Variants in DOCK1 observed in about 807,000 individuals in gnomAD.
DOCK1 encodes dedicator of cytokinesis 1.
DOCK1 carries 138 observed loss-of-function variants against 262.7 expected under a neutral mutation model. The ratio of observed to expected loss-of-function variants is 0.53; its 90% CI spans 0.46 to 0.61. DOCK1 has a LOEUF of 0.61. Ranked by LOEUF, DOCK1 falls within the 20% of genes least tolerant of loss-of-function variation. The pLI, the probability that DOCK1 is intolerant of heterozygous loss-of-function variation, is 0.00. For missense variants in DOCK1, 1,908 were observed against 2,370.7 expected (o/e 0.80, Z 4.05); for synonymous variants, 866 against 867.4 (o/e 1.00, Z 0.03).
chr10:126,980,530 T>A (rs1233210697), intron 3 of DOCK1, among the ~76,000 whole-genome samples: 1 of 152,126 alleles, frequency 6.6e-6, no homozygotes, highest in Non-Finnish European at 1.5e-5. Flanking sequence ...AGCCTCTGAC[T>A]CTCTGCCTGA....
At chr10:127,313,211 C>A (rs557822775) in intron 29 of DOCK1, among the ~76,000 whole-genome samples, 1 of 152,132 alleles carries the variant, frequency 6.6e-6, no homozygotes, top group African/African-American at 2.4e-5. Context: ...CATGAGGCAC[C>A]ATGGGCACCC....
intron 11 of DOCK1, among the ~76,000 whole-genome samples, chr10:127,010,149 A>G (rs953122986): frequency 3.9e-5 from 6 of 152,182 alleles, no homozygotes; most frequent in Non-Finnish European, 8.8e-5. Context: ...TATGGTAACC[A>G]TTAGCTCCAT....
intron 29 of DOCK1, among the ~76,000 whole-genome samples, chr10:127,336,715 A>G (rs764838073): frequency 2.0e-5 from 3 of 151,726 alleles, no homozygotes; most frequent in Non-Finnish European, 4.4e-5. Flanking sequence ...AATTTTTTGT[A>G]TTTTTAGTAG....
chr10:126,974,312 G>A (rs1044864806), intron 2 of DOCK1, among the ~76,000 whole-genome samples: 1 of 152,138 alleles, frequency 6.6e-6, no homozygotes, highest in African/African-American at 2.4e-5. Flanking sequence ...TGAGGAAATT[G>A]TCCTTTTGAT....
At chr10:126,982,289 C>A (rs1201811378) in intron 4 of DOCK1, among the ~76,000 whole-genome samples, 1 of 152,192 alleles carries the variant, frequency 6.6e-6, no homozygotes, top group Non-Finnish European at 1.5e-5. Context: ...GGCAGAGACT[C>A]CAAAGCCCCC....
At chr10:127,325,823 T>A (rs911960737) in intron 29 of DOCK1, among the ~76,000 whole-genome samples, 4 of 152,210 alleles carry the variant, frequency 2.6e-5, no homozygotes, top group Non-Finnish European at 5.9e-5. Flanking sequence ...GGTAGGTGAT[T>A]ATATCTTAAC....
At chr10:127,443,431 A>G (rs2070322160) in intron 49 of DOCK1, among the ~76,000 whole-genome samples, 1 of 152,058 alleles carries the variant, frequency 6.6e-6, no homozygotes, top group Non-Finnish European at 1.5e-5. Context: ...TGTGGTTTTT[A>G]TATTGGACTG....
At chr10:127,017,365 A>C (rs12246055) in intron 12 of DOCK1, among the ~76,000 whole-genome samples, 53,900 of 151,526 alleles carry the variant, frequency 0.36, 9,703 homozygotes, top group South Asian at 0.46. Context: ...ACACATAAGC[A>C]CAGATACAGA....
At chr10:127,059,917 C>T (rs1017333281) in intron 22 of DOCK1, among the ~76,000 whole-genome samples, 1 of 152,130 alleles carries the variant, frequency 6.6e-6, no homozygotes, top group Non-Finnish European at 1.5e-5. Flanking sequence ...GATCTTCTTC[C>T]AGAGATAATT....
intron 27 of DOCK1, chr10:127,137,501 G>A: frequency 4.4e-6 from 1 of 229,032 alleles, no homozygotes; most frequent in African/African-American, 2.3e-5. Flanking sequence ...TGTGTACAGG[G>A]TGACAGCCTG....
intron 27 of DOCK1, among the ~76,000 whole-genome samples, chr10:127,185,640 A>G (rs2134018921): frequency 6.6e-6 from 1 of 152,360 alleles, no homozygotes; most frequent in South Asian, 2.1e-4. Flanking sequence ...CACATTAGGT[A>G]GAACCTGGCT....
At chr10:126,968,607 T>G (rs1477590769) in intron 1 of DOCK1, among the ~76,000 whole-genome samples, 1 of 152,226 alleles carries the variant, frequency 6.6e-6, no homozygotes, top group African/African-American at 2.4e-5. Context: ...CTTGAATGTA[T>G]TTACCCTTGA....
At chr10:126,919,275 C>T (rs2032923215) in intron 1 of DOCK1, among the ~76,000 whole-genome samples, 1 of 152,162 alleles carries the variant, frequency 6.6e-6, no homozygotes, top group Non-Finnish European at 1.5e-5. Flanking sequence ...AAAATAATAA[C>T]TTATTTTCTT....
chr10:127,279,104 G>A (rs2060851008), intron 29 of DOCK1, among the ~76,000 whole-genome samples: 1 of 152,180 alleles, frequency 6.6e-6, no homozygotes, highest in Non-Finnish European at 1.5e-5. Flanking sequence ...TCCTATCAGG[G>A]GGTGTGAATC....
intron 27 of DOCK1, 49 bp downstream of exon 27, chr10:127,127,813 A>ATC (rs1592131289): frequency 6.6e-7 from 1 of 1,515,466 alleles, no homozygotes; most frequent in East Asian, 2.3e-5. Flanking sequence ...GGCTGACAGC[A>ATC]TCCTTCTCCA....
chr10:127,376,152 G>A (rs571566726), intron 35 of DOCK1, among the ~76,000 whole-genome samples: 1 of 152,322 alleles, frequency 6.6e-6, no homozygotes, highest in Non-Finnish European at 1.5e-5. Context: ...TAAAACAGCT[G>A]TGATGAATAT....
At chr10:127,158,899 G>A (rs1478483674) in intron 27 of DOCK1, among the ~76,000 whole-genome samples, 1 of 152,036 alleles carries the variant, frequency 6.6e-6, no homozygotes, top group Non-Finnish European at 1.5e-5. Context: ...TCTTTTTTTG[G>A]TGCTTTTGTT....
chr10:127,391,498 T>C (rs563587539), intron 38 of DOCK1, among the ~76,000 whole-genome samples: 10 of 152,342 alleles, frequency 6.6e-5, no homozygotes, highest in African/African-American at 2.4e-4. Flanking sequence ...CTCGGTGATG[T>C]TGTTTTCATT....
intron 27 of DOCK1, among the ~76,000 whole-genome samples, chr10:127,232,332 A>T (rs1308783069): frequency 6.6e-6 from 1 of 152,112 alleles, no homozygotes; most frequent in Non-Finnish European, 1.5e-5. Context: ...GTATATTTAG[A>T]GAGGGTGCTG....
Sources: allele counts gnomAD v4.1 joint callset (sites outside exome capture counted in the v4.1 genomes callset), GRCh38; gene constraint gnomAD v4.1.1; transcripts MANE v1.5; gene names NCBI Gene and HGNC (gene_info 2026-07-23, HGNC 2026-07-21).